Variants in SNX8 observed in about 807,000 individuals in gnomAD.
SNX8 encodes sorting nexin 8, also known as sorting nexin-8.
A neutral mutation model predicts 51.6 loss-of-function variants in SNX8; 25 were observed. That is an observed-to-expected ratio of 0.48 (90% CI 0.35 to 0.68). The LOEUF (loss-of-function observed/expected upper bound fraction) is 0.68, where lower values mean the gene tolerates loss of function less well. Among genes scored for constraint, SNX8 ranks in the 30% least tolerant of loss-of-function variants. SNX8 has a pLI of 0.00. For synonymous variants in SNX8, 324 were observed against 277.0 expected, an observed-to-expected ratio of 1.17 and a Z score of -1.68; for missense variants, 695 against 624.0, an observed-to-expected ratio of 1.11 and a Z score of -1.21.
At chr7:2,309,225 C>G (rs1356174276) in intron 1 of SNX8, among the ~76,000 whole-genome samples, 2 of 151,856 alleles carry the variant, frequency 1.3e-5, no homozygotes, top group South Asian at 4.2e-4. Flanking sequence ...ACACCCTGCT[C>G]AAAATGTATA....
At chr7:2,290,127 A>G (rs915330201) in intron 1 of SNX8, among the ~76,000 whole-genome samples, 1 of 152,128 alleles carries the variant, frequency 6.6e-6, no homozygotes, top group Non-Finnish European at 1.5e-5. Context: ...TGGGAGGTGG[A>G]GGTTGCAGTG....
chr7:2,289,816 G>A (rs1204600335), intron 1 of SNX8, among the ~76,000 whole-genome samples: 6 of 152,182 alleles, frequency 3.9e-5, no homozygotes, highest in South Asian at 2.1e-4. Flanking sequence ...CCAGCTATTC[G>A]GGAGGGTGAG....
At chr7:2,346,348 AAAC>A (rs1779026228) in intron 1 of SNX8, among the ~76,000 whole-genome samples, 1 of 151,956 alleles carries the variant, frequency 6.6e-6, no homozygotes, top group Non-Finnish European at 1.5e-5. Context: ...GGGGAGGCCG[AAAC>A]AGGAGGGTTG....
chr7:2,288,819 G>A lies in SNX8; in HGVS notation c.95-10514C>T, dbSNP rs1054734052. 3.3e-5 allele frequency among the ~76,000 whole-genome samples: 5 copies of A among 152,092 alleles called. 1 individual carries two copies. The highest frequency in any genetic ancestry group is 2.0e-4 in the Admixed American group (3 of 15,246). On this transcript the variant is annotated intron_variant, in intron 1 of 10. Transcript: ENST00000222990. ...TGCAGTCACAGCTCACTGTAGCCTTGACGTCCCCGGCTCAAGCAATCCTCC... is the reference window on the plus strand; with the variant it reads ...TGCAGTCACAGCTCACTGTAGCCTTAACGTCCCCGGCTCAAGCAATCCTCC...
chr7:2,257,575 G>T, intron 8 of SNX8, 61 bp from the exon 9 acceptor site: 1 of 1,589,838 alleles, frequency 6.3e-7, no homozygotes, highest in Non-Finnish European at 8.5e-7. Context: ...GCCCTGCGGA[G>T]CCGGCCGAGG....
intron 1 of SNX8, among the ~76,000 whole-genome samples, chr7:2,352,180 G>A (rs1779157529): frequency 6.6e-6 from 1 of 151,898 alleles, no homozygotes; most frequent in Non-Finnish European, 1.5e-5. Context: ...CCAAAGTGCT[G>A]GGATTACAGG....
At chr7:2,264,900 C>T (rs1476352635) in intron 5 of SNX8, among the ~76,000 whole-genome samples, 1 of 151,800 alleles carries the variant, frequency 6.6e-6, no homozygotes, top group Non-Finnish European at 1.5e-5. Context: ...CTGGGCATGG[C>T]GGCATGCACC....
chr7:2,272,524 C>A (rs1184481028), intron 3 of SNX8, among the ~76,000 whole-genome samples: 2 of 151,636 alleles, frequency 1.3e-5, no homozygotes, highest in African/African-American at 2.4e-5. Context: ...TACAGGGGCC[C>A]GCCAACATGC....
intron 1 of SNX8, among the ~76,000 whole-genome samples, chr7:2,346,126 T>A (rs549349864): frequency 6.6e-6 from 1 of 152,204 alleles, no homozygotes; most frequent in African/African-American, 2.4e-5. Flanking sequence ...TAATAGCATA[T>A]GGGTCTACTA....
intron 1 of SNX8, among the ~76,000 whole-genome samples, chr7:2,345,784 C>T (rs1432548217): frequency 1.3e-5 from 2 of 151,834 alleles, no homozygotes; most frequent in Non-Finnish European, 2.9e-5. Context: ...TTAGAGGATA[C>T]TGGGCAAAGG....
intron 1 of SNX8, among the ~76,000 whole-genome samples, chr7:2,278,667 C>A (rs1390575912): frequency 6.0e-4 from 69 of 114,620 alleles, no homozygotes; most frequent in African/African-American, 8.2e-4. Flanking sequence ...ACGGAGTCGA[C>A]GCCGGACTCA....
intron 1 of SNX8, among the ~76,000 whole-genome samples, chr7:2,313,529 AAAAAAAAAAAGAAAAG>A (rs1447500486): frequency 8.5e-6 from 1 of 117,872 alleles, no homozygotes; most frequent in Non-Finnish European, 1.9e-5. Flanking sequence ...GTCTCAAAAA[AAAAAAAAAAAGAAAAG>A]AAAAGAAAAA....
chr7:2,305,441 G>A (rs1796524087), intron 1 of SNX8, among the ~76,000 whole-genome samples: 1 of 152,114 alleles, frequency 6.6e-6, no homozygotes, highest in Non-Finnish European at 1.5e-5. Context: ...TCAGCTCACT[G>A]CAACCTCTGC....
At chr7:2,313,965 A>G (rs2398666) in intron 1 of SNX8, among the ~76,000 whole-genome samples, 126,006 of 152,224 alleles carry the variant, frequency 0.83, 52,231 homozygotes, top group Admixed American at 0.85. Context: ...CAGCGTGACC[A>G]GGCAGGGCAG....
rs75343543 is a variant in SNX8, at chr7:2,297,839, G to A, written c.94+16489C>T. Among the ~76,000 whole-genome samples the A allele has an allele frequency of 9.3e-3, 1,419 of 151,800 alleles. 11 individuals carry two copies. Among genetic ancestry groups the A allele is most frequent in the Non-Finnish European group, 0.016 (1,097 of 67,994 alleles). On this transcript the variant is annotated intron_variant, in intron 1 of 10. Transcript: ENST00000222990. ...CACTTATAAGTGAGAGCTGAACTAC[G>A]GGGACACAAAAGCAGGCAAAAGTGG...
chr7:2,308,831 T>G (rs1796604507), intron 1 of SNX8, among the ~76,000 whole-genome samples: 1 of 148,604 alleles, frequency 6.7e-6, no homozygotes, highest in Non-Finnish European at 1.5e-5. Context: ...TCAACCAGGC[T>G]GCAGCGCGGC....
chr7:2,291,463 T>A (rs918165025), intron 1 of SNX8, among the ~76,000 whole-genome samples: 3 of 152,056 alleles, frequency 2.0e-5, no homozygotes, highest in African/African-American at 4.8e-5. Flanking sequence ...CTGGCTGTGG[T>A]GGCACATGCC....
chr7:2,348,877 G>A (rs188108848), intron 1 of SNX8, among the ~76,000 whole-genome samples: 10 of 150,432 alleles, frequency 6.6e-5, no homozygotes, highest in African/African-American at 1.5e-4. Context: ...ATTTGAACCC[G>A]GGAGGCGGAG....
At chr7:2,279,842 T>C (rs895372041) in intron 1 of SNX8, among the ~76,000 whole-genome samples, 91 of 151,892 alleles carry the variant, frequency 6.0e-4, no homozygotes, top group African/African-American at 2.1e-3. Flanking sequence ...TTTCTGTGAC[T>C]ACATCAAATC....
Sources: gnomAD v4.1 joint callset for allele counts (sites outside exome capture counted in the v4.1 genomes callset) on GRCh38, gnomAD v4.1.1 for gene constraint, MANE v1.5 for transcripts, NCBI Gene and HGNC (gene_info 2026-07-23, HGNC 2026-07-21) for gene names.